Variants in RFX4 observed in about 807,000 individuals in gnomAD.
The protein encoded by RFX4 is transcription factor RFX4.
Under a neutral mutation model 95.0 loss-of-function variants are expected in RFX4, and 10 were observed. The observed-to-expected ratio is 0.11, with a 90% CI of 0.06 to 0.18. RFX4 has a LOEUF of 0.18. Among genes scored for constraint, RFX4 ranks in the 10% least tolerant of loss-of-function variants. The pLI is 1.00. For synonymous variants in RFX4, 321 were observed against 340.7 expected, an observed-to-expected ratio of 0.94 and a Z score of 0.64; for missense variants, 640 against 922.0, an observed-to-expected ratio of 0.69 and a Z score of 3.96.
intron 1 of RFX4, among the ~76,000 whole-genome samples, chr12:106,592,600 T>C (rs1164767419): frequency 2.0e-5 from 3 of 152,250 alleles, no homozygotes; most frequent in African/African-American, 7.2e-5. Flanking sequence ...TTCATGCCTC[T>C]TCCTCTTGCC....
intron 7 of RFX4, among the ~76,000 whole-genome samples, chr12:106,689,872 T>C (rs1400002457): frequency 6.6e-5 from 10 of 151,968 alleles, no homozygotes; most frequent in Non-Finnish European, 1.3e-4. Flanking sequence ...ATACAAACAA[T>C]GTAAGAAGTC....
chr12:106,745,185 C>T (rs960880420), intron 15 of RFX4, among the ~76,000 whole-genome samples: 1 of 152,022 alleles, frequency 6.6e-6, no homozygotes, highest in African/African-American at 2.4e-5. Flanking sequence ...TTTATTGTCT[C>T]GAATCTTTTA....
intron 3 of RFX4, among the ~76,000 whole-genome samples, chr12:106,648,754 C>T (rs1261401604): frequency 6.6e-6 from 1 of 151,536 alleles, no homozygotes; most frequent in Non-Finnish European, 1.5e-5. Flanking sequence ...ATCGATCATG[C>T]TGCCCCCATG....
At chr12:106,699,849 G>A (rs1284142571) in intron 8 of RFX4, among the ~76,000 whole-genome samples, 5 of 151,936 alleles carry the variant, frequency 3.3e-5, no homozygotes, top group East Asian at 3.9e-4. Context: ...TTCCTTTTTA[G>A]TTGGTATGGT....
chr12:106,639,132 A>G (rs567678432), intron 2 of RFX4, among the ~76,000 whole-genome samples, 200 bp from the exon 3 acceptor site: 2 of 152,352 alleles, frequency 1.3e-5, no homozygotes, highest in South Asian at 4.1e-4. Context: ...TTGACATGAG[A>G]GTTTTAAAAT....
At chr12:106,628,580 G>A (rs111717026) in intron 2 of RFX4, among the ~76,000 whole-genome samples, 142 of 152,148 alleles carry the variant, frequency 9.3e-4, no homozygotes, top group African/African-American at 3.0e-3. Flanking sequence ...GTTTTGAATA[G>A]ATAATACAGC....
In RFX4 at chr12:106,688,069, T is replaced by C. The variant is rs866601024; in HGVS notation, c.591+972T>C. On this transcript the variant is annotated intron_variant, in intron 6 of 17. Transcript: ENST00000392842. Reference sequence around the variant, plus strand: ...TCCCTTGGGGTATCACATTTCTTTTTTTTTTTTTTTTTTTTTTTGAGATGG... The same window carrying C: ...TCCCTTGGGGTATCACATTTCTTTTCTTTTTTTTTTTTTTTTTTGAGATGG... 2.0e-4 allele frequency among the ~76,000 whole-genome samples: 29 copies of C among 144,676 alleles called. 1 individual carries two copies. Among genetic ancestry groups the C allele is most frequent in the South Asian group, 4.7e-4 (2 of 4,276 alleles). The allele number at this position is 144,676 out of a possible 152,430, so 94.9% of individuals were successfully genotyped here.
chr12:106,749,861 T>TC (rs2042966913), intron 16 of RFX4, among the ~76,000 whole-genome samples: 1 of 152,022 alleles, frequency 6.6e-6, no homozygotes, highest in Non-Finnish European at 1.5e-5. Context: ...CATGGTGCTC[T>TC]CCCCCCAGGA....
At chr12:106,596,297 G>A (rs988630573) in intron 1 of RFX4, among the ~76,000 whole-genome samples, 6 of 152,164 alleles carry the variant, frequency 3.9e-5, no homozygotes, top group Admixed American at 2.6e-4. Flanking sequence ...CCCTGCACAA[G>A]CTCTCTTTGC....
At chr12:106,689,248 T>G in intron 6 of RFX4, 39 bp from the exon 7 acceptor site, 1 of 1,479,080 alleles carries the variant, frequency 6.8e-7, no homozygotes, top group Non-Finnish European at 9.5e-7. Flanking sequence ...TGTGTATTAA[T>G]GTATGTCTTT....
chr12:106,733,213 G>A, intron 15 of RFX4, 128 bp downstream of exon 15: 1 of 994,306 alleles, frequency 1.0e-6, no homozygotes, highest in Non-Finnish European at 1.5e-6. Flanking sequence ...GCTCACACCT[G>A]TAGTCCCAGC....
At chr12:106,758,053 T>G (rs953171709) in intron 17 of RFX4, among the ~76,000 whole-genome samples, 1 of 152,228 alleles carries the variant, frequency 6.6e-6, no homozygotes, top group African/African-American at 2.4e-5. Context: ...ATCCAAAGAA[T>G]GGTAACTTGC....
chr12:106,689,168 G>T, intron 6 of RFX4, 119 bp from the exon 7 acceptor site: 1 of 844,200 alleles, frequency 1.2e-6, no homozygotes. Context: ...CTGAGCCGGT[G>T]TTAGGTGAAT....
At chr12:106,653,840 A>G (rs985190589) in intron 3 of RFX4, among the ~76,000 whole-genome samples, 54 of 152,340 alleles carry the variant, frequency 3.5e-4, no homozygotes, top group African/African-American at 1.2e-3. Context: ...TAGCTGTTAC[A>G]AATGGCTCCT....
chr12:106,750,620 T>C, intron 16 of RFX4, 35 bp from the exon 17 acceptor site: 9 of 1,531,616 alleles, frequency 5.9e-6, no homozygotes, highest in Non-Finnish European at 7.9e-6. Context: ...TTCTTGCTAT[T>C]ACTCACACTA....
intron 7 of RFX4, 142 bp from the exon 8 acceptor site, chr12:106,696,141 T>C (rs1306324841): frequency 8.6e-6 from 8 of 929,348 alleles, no homozygotes; most frequent in East Asian, 2.5e-5. Context: ...TCCTACAACA[T>C]GGCAGGCTGG....
At chr12:106,752,440 G>A (rs976993565) in intron 17 of RFX4, among the ~76,000 whole-genome samples, 15 of 152,050 alleles carry the variant, frequency 9.9e-5, no homozygotes, top group African/African-American at 2.4e-4. Flanking sequence ...ACACCTGGTC[G>A]CTAAACAGTT....
rs2042365473 is a variant in RFX4, at chr12:106,719,940, G to T, written c.1139-20G>T. The T allele has an allele frequency of 6.3e-7, 1 of 1,590,508 alleles. No homozygotes were observed. The highest frequency in any genetic ancestry group is 8.6e-7 in the Non-Finnish European group (1 of 1,158,840). On this transcript the variant is annotated intron_variant, in intron 11 of 17. Coordinates refer to ENST00000392842, the MANE Select transcript of RFX4 (RefSeq NM_213594.3). ...AATACAACTGCAGTGATGCGTGTGGGGTTCTCCTTTGTTTGACAGTATATC... is the reference window on the plus strand; with the variant it reads ...AATACAACTGCAGTGATGCGTGTGGTGTTCTCCTTTGTTTGACAGTATATC...
At position 106,617,192 on chromosome 12, in the gene RFX4, G is replaced by T. The variant is rs34998821; in HGVS notation, c.130+8309G>T. On this transcript the variant is annotated intron_variant, in intron 2 of 17. Coordinates refer to ENST00000392842, the MANE Select transcript of RFX4 (RefSeq NM_213594.3). ...ATCAATTTTATTAGTCTTTTCAAAG[G>T]TCCAACTTTTGGGTTTGTTGTTTTT... 5.2e-4 allele frequency among the ~76,000 whole-genome samples: 79 copies of T among 152,102 alleles called. 1 individual carries two copies. The highest frequency in any genetic ancestry group is 1.8e-3 in the African/African-American group (73 of 41,498).
Sources: allele counts gnomAD v4.1 joint callset (sites outside exome capture counted in the v4.1 genomes callset), GRCh38; gene constraint gnomAD v4.1.1; transcripts MANE v1.5; gene names NCBI Gene and HGNC (gene_info 2026-07-23, HGNC 2026-07-21).